The following SEMA4D variants were observed in gnomAD, a reference collection of about 807,000 sequenced individuals.
The protein encoded by SEMA4D is semaphorin-4D.
SEMA4D carries 22 observed loss-of-function variants against 74.8 expected under a neutral mutation model. The observed-to-expected ratio is 0.29, with a 90% CI of 0.21 to 0.42. The LOEUF (loss-of-function observed/expected upper bound fraction) is 0.42, where lower values mean the gene tolerates loss of function less well. Among genes scored for constraint, SEMA4D ranks in the 10% least tolerant of loss-of-function variants. The pLI, the probability that SEMA4D is intolerant of heterozygous loss-of-function variation, is 1.00. For synonymous variants in SEMA4D, 445 were observed against 463.7 expected (o/e 0.96, Z 0.52); for missense variants, 937 against 1,118.4 (o/e 0.84, Z 2.31).
chr9:89,390,595 G>A (rs1839646827), intron 9 of SEMA4D, among the ~76,000 whole-genome samples: 1 of 152,206 alleles, frequency 6.6e-6, no homozygotes, highest in African/African-American at 2.4e-5. Context: ...ATGAGAAAGG[G>A]CCACGCAAGA....
chr9:89,389,065 A>C lies in SEMA4D; in HGVS notation c.775-18T>G, dbSNP rs762531904. The C allele has an allele frequency of 2.5e-6, 4 of 1,613,534 alleles. No homozygotes were observed. The highest frequency in any genetic ancestry group is 2.5e-6 in the Non-Finnish European group (3 of 1,179,684). ...TGGTCCCCCTAAAACCCCAACAAGA[A>C]GACGTGGTGGGCCGAGAGTGGATCC... is the stretch of plus-strand genomic sequence containing the variant. On this transcript the variant is annotated intron_variant, in intron 9 of 15. Transcript: ENST00000422704.
In SEMA4D at chr9:89,405,535, G is replaced by A. The variant is rs1045110882; in HGVS notation, c.-79C>T. The A allele has an allele frequency of 6.2e-5, 97 of 1,569,272 alleles. No individual in the cohort carries two copies. Among genetic ancestry groups the A allele is most frequent in the Non-Finnish European group, 7.7e-5 (89 of 1,162,262 alleles). The stretch of plus-strand genomic sequence containing the variant: ...GCCGGGCAGGTGTGCTATTGCAGAT[G>A]CGGCTCAGCGCCCCAGGACCAGGGC... On this transcript the variant is annotated 5_prime_UTR_variant, in exon 3 of 16. Transcript: ENST00000422704.
intron 1 of SEMA4D, among the ~76,000 whole-genome samples, chr9:89,463,438 G>C (rs1857829002): frequency 6.6e-6 from 1 of 152,160 alleles, no homozygotes; most frequent in Non-Finnish European, 1.5e-5. Flanking sequence ...CCATTCCCAG[G>C]TGCTAAATCT....
At chr9:89,362,326 T>C in exon 19 of SEMA4D, 3 of 1,613,472 alleles carry the variant, frequency 1.9e-6, no homozygotes, top group Middle Eastern at 1.7e-4. Context: ...CCAGGCCTTC[T>C]CCGGGGGTGG....
chr9:89,390,337 C>T (rs1479840971), intron 9 of SEMA4D, among the ~76,000 whole-genome samples: 2 of 148,180 alleles, frequency 1.3e-5, no homozygotes, highest in African/African-American at 2.5e-5. Flanking sequence ...TCCTGGTCTG[C>T]AAGACAGGAG....
At chr9:89,489,257 C>T (rs1187007832) in intron 1 of SEMA4D, among the ~76,000 whole-genome samples, 1 of 152,234 alleles carries the variant, frequency 6.6e-6, no homozygotes, top group East Asian at 1.9e-4. Context: ...CCCTGTAATT[C>T]CACTTGTAGG....
intron 16 of SEMA4D, chr9:89,367,495 G>T (rs1404123088): frequency 6.6e-6 from 1 of 152,286 alleles, no homozygotes; most frequent in African/African-American, 2.4e-5. Context: ...AGGCTGGTCT[G>T]ATGCTGTGGG....
chr9:89,371,959 T>TGTGTGTGGGGTGTG (rs1564501695), intron 16 of SEMA4D, among the ~76,000 whole-genome samples: 1 of 112,306 alleles, frequency 8.9e-6, no homozygotes, highest in Non-Finnish European at 1.8e-5. Flanking sequence ...TGGGGTGTGG[T>TGTGTGTGGGGTGTG]GTGTGTGGGG....
In SEMA4D at chr9:89,418,914, T is replaced by C. The variant is rs117251117; in HGVS notation, c.-243-13215A>G. On this transcript the variant is annotated intron_variant, in intron 2 of 15. Transcript: ENST00000422704. ...TTGTTTGCCTTTTGCTTTCAGAGCT[T>C]ATATGATCACGGCTCTTTTTTTGAA... 4.6e-5 allele frequency: 7 copies of C among 152,290 alleles called. No individual in the cohort carries two copies. In the East Asian group the frequency reaches 1.2e-3, roughly 25 times the overall value. The allele number at this position is 152,290 out of a possible 1,614,324, so 9.4% of individuals were successfully genotyped here.
intron 1 of SEMA4D, among the ~76,000 whole-genome samples, chr9:89,467,304 T>C (rs1858980960): frequency 6.6e-6 from 1 of 152,098 alleles, no homozygotes; most frequent in African/African-American, 2.4e-5. Context: ...ACACATCTGA[T>C]GCTCCCTCCG....
Position 89,419,916 on chromosome 9 carries a change from C to CA in SEMA4D, c.-243-14218dup, listed in dbSNP as rs199761234. 3.2e-4 allele frequency among the ~76,000 whole-genome samples: 49 copies of CA among 151,100 alleles called. No individual in the cohort carries two copies. In the East Asian group the frequency reaches 6.2e-3, roughly 19 times the overall value. On this transcript the variant is annotated intron_variant, in intron 2 of 15. Transcript: ENST00000422704. ...TGGGTGACAGAAAAAGACTCCGTCTCAAAAAAAACAAAAAAACACCTGAAA... is the reference window on the plus strand; with the variant it reads ...TGGGTGACAGAAAAAGACTCCGTCTCAAAAAAAAACAAAAAAACACCTGAAA...
intron 2 of SEMA4D, 88 bp from the exon 3 acceptor site, chr9:89,405,787 A>C (rs995552838): frequency 5.4e-6 from 7 of 1,300,538 alleles, no homozygotes; most frequent in African/African-American, 1.5e-5. Context: ...CTTGCCCTGG[A>C]TCCTCACCCG....
chr9:89,447,803 T>A (rs1293653831), intron 2 of SEMA4D, among the ~76,000 whole-genome samples: 2 of 148,744 alleles, frequency 1.3e-5, no homozygotes, highest in East Asian at 4.0e-4. Flanking sequence ...ACTTCAGTGC[T>A]CCCTGGACAC....
At chr9:89,440,189 A>G (rs1851385923) in intron 2 of SEMA4D, among the ~76,000 whole-genome samples, 2 of 152,070 alleles carry the variant, frequency 1.3e-5, no homozygotes, top group South Asian at 4.1e-4. Context: ...CGAGCCCTGG[A>G]GTGGTGCTGG....
At chr9:89,444,952 C>G (rs1158397139) in intron 2 of SEMA4D, among the ~76,000 whole-genome samples, 2 of 152,104 alleles carry the variant, frequency 1.3e-5, no homozygotes, top group Admixed American at 1.3e-4. Flanking sequence ...AACATCCCGA[C>G]AGAACAGGGT....
chr9:89,386,755 A>G (rs1364208801), intron 12 of SEMA4D: 1 of 353,314 alleles, frequency 2.8e-6, no homozygotes, highest in Non-Finnish European at 5.3e-6. Flanking sequence ...CCAACAGTCG[A>G]CATTACACTT....
In SEMA4D at chr9:89,405,582, G is replaced by A. The variant is rs529610281; in HGVS notation, c.-126C>T. Reference sequence around the variant, plus strand: ...GGGCCAGCAGCACAGCCTGGAGCTCGTGAACAGCGCGGTCCCTGAGAATCC... The same window carrying A: ...GGGCCAGCAGCACAGCCTGGAGCTCATGAACAGCGCGGTCCCTGAGAATCC... On this transcript the variant is annotated 5_prime_UTR_variant, in exon 3 of 16. In the 5' UTR this introduces an upstream ATG that the reference lacks. Coordinates refer to ENST00000422704, the MANE Select transcript of SEMA4D (RefSeq NM_001371194.2). 20 of 1,489,864 alleles carry A rather than the reference G, an allele frequency of 1.3e-5. No homozygotes were observed. The highest frequency in any genetic ancestry group is 3.9e-5 in the South Asian group (3 of 76,554). 92.3% of individuals were successfully genotyped at this position (1,489,864 alleles called of 1,614,324 possible).
chr9:89,425,258 C>T (rs1847855201), intron 2 of SEMA4D, among the ~76,000 whole-genome samples: 1 of 152,220 alleles, frequency 6.6e-6, no homozygotes, highest in Non-Finnish European at 1.5e-5. Context: ...CACCCACCCA[C>T]TGAAATCCTG....
chr9:89,458,536 GCA>G (rs1184535144), intron 1 of SEMA4D, among the ~76,000 whole-genome samples: 2 of 151,656 alleles, frequency 1.3e-5, no homozygotes, highest in African/African-American at 4.9e-5. Flanking sequence ...ATGCATACAT[GCA>G]CACACCCATC....
Sources: allele counts gnomAD v4.1 joint callset (sites outside exome capture counted in the v4.1 genomes callset), GRCh38; gene constraint gnomAD v4.1.1; transcripts MANE v1.5; gene names NCBI Gene and HGNC (gene_info 2026-07-23, HGNC 2026-07-21).